NLGN1: variants seen among roughly 807,000 people sequenced by gnomAD.
The protein encoded by NLGN1 is neuroligin 1, also known as neuroligin-1.
NLGN1 carries 12 observed loss-of-function variants against 65.5 expected under a neutral mutation model. The observed-to-expected ratio is 0.18, with a 90% CI of 0.12 to 0.30. NLGN1 has a LOEUF of 0.30. Among genes scored for constraint, NLGN1 ranks in the 10% least tolerant of loss-of-function variants. NLGN1 has a pLI of 1.00. For synonymous variants in NLGN1, 350 were observed against 359.5 expected (o/e 0.97, Z 0.30); for missense variants, 750 against 1,007.1 (o/e 0.74, Z 3.46).
intron 3 of NLGN1, among the ~76,000 whole-genome samples, chr3:173,782,342 C>T (rs949917958): frequency 7.9e-5 from 12 of 151,880 alleles, no homozygotes; most frequent in Admixed American, 2.0e-4. Context: ...ATTAAAGGCG[C>T]GGGTAATGTA....
chr3:173,675,855 T>C (rs1013824335), intron 3 of NLGN1, among the ~76,000 whole-genome samples: 1 of 142,272 alleles, frequency 7.0e-6, no homozygotes, highest in South Asian at 2.4e-4. Context: ...TCTCTCTCTT[T>C]CTCTCTCTCT....
chr3:174,281,048 T>G, exon 7 of NLGN1: 27 of 1,613,318 alleles, frequency 1.7e-5, no homozygotes, highest in Non-Finnish European at 2.3e-5. Context: ...AGCACACTGA[T>G]TTGGATCATG....
intron 3 of NLGN1, among the ~76,000 whole-genome samples, chr3:173,630,374 T>G (rs1755499065): frequency 6.6e-6 from 1 of 152,090 alleles, no homozygotes; most frequent in Non-Finnish European, 1.5e-5. Flanking sequence ...GGAATAAGTC[T>G]GCTACATTTA....
At chr3:174,109,757 G>T (rs1485146134) in intron 4 of NLGN1, among the ~76,000 whole-genome samples, 2 of 151,894 alleles carry the variant, frequency 1.3e-5, no homozygotes, top group Non-Finnish European at 2.9e-5. Flanking sequence ...AGATATTTTA[G>T]GTGTCTAAAT....
chr3:173,773,469 A>G (rs75839317), intron 3 of NLGN1, among the ~76,000 whole-genome samples: 1,710 of 152,326 alleles, frequency 0.011, 35 homozygotes, highest in African/African-American at 0.038. Context: ...GCTTTGAGAC[A>G]CAAAATGTTG....
At chr3:174,090,377 G>A (rs1328247640) in intron 4 of NLGN1, among the ~76,000 whole-genome samples, 2 of 152,126 alleles carry the variant, frequency 1.3e-5, no homozygotes, top group Non-Finnish European at 2.9e-5. Flanking sequence ...GGGTGCTGAG[G>A]CAGGAGAGTC....
chr3:174,254,808 A>T (rs1282131321), intron 4 of NLGN1, among the ~76,000 whole-genome samples: 1 of 152,128 alleles, frequency 6.6e-6, no homozygotes, highest in Non-Finnish European at 1.5e-5. Flanking sequence ...CAGGCCTCAC[A>T]TATTCATTTC....
intron 4 of NLGN1, among the ~76,000 whole-genome samples, chr3:174,001,348 A>T (rs1723253974): frequency 6.6e-6 from 1 of 152,102 alleles, no homozygotes. Context: ...GAAAAAAAAA[A>T]ATCAGAAAAT....
intron 3 of NLGN1, among the ~76,000 whole-genome samples, chr3:173,797,747 T>C (rs1239751670): frequency 6.7e-6 from 1 of 149,936 alleles, no homozygotes; most frequent in African/African-American, 2.5e-5. Flanking sequence ...CCATCAACCA[T>C]GCATCCATGG....
chr3:174,050,798 TGAA>T, intron 4 of NLGN1, among the ~76,000 whole-genome samples: 1 of 151,968 alleles, frequency 6.6e-6, no homozygotes, highest in East Asian at 1.9e-4. Flanking sequence ...ATATGAGTGT[TGAA>T]GAACATTCTA....
chr3:174,039,611 G>A (rs1731861360), intron 4 of NLGN1, among the ~76,000 whole-genome samples: 1 of 152,150 alleles, frequency 6.6e-6, no homozygotes, highest in African/African-American at 2.4e-5. Flanking sequence ...CACCAGGTAA[G>A]GGAGATAAGG....
chr3:173,823,981 G>T (rs1578631473), intron 4 of NLGN1, among the ~76,000 whole-genome samples: 1 of 151,294 alleles, frequency 6.6e-6, no homozygotes, highest in African/African-American at 2.4e-5. Flanking sequence ...TTATTTTTAA[G>T]ATATTCCTTT....
chr3:173,847,948 C>T (rs1368280830), intron 4 of NLGN1, among the ~76,000 whole-genome samples: 2 of 152,160 alleles, frequency 1.3e-5, no homozygotes, highest in Non-Finnish European at 2.9e-5. Context: ...TTCACCTTTT[C>T]CTCACAGTCC....
At chr3:173,827,475 G>A (rs1721572391) in intron 4 of NLGN1, among the ~76,000 whole-genome samples, 1 of 151,880 alleles carries the variant, frequency 6.6e-6, no homozygotes, top group Non-Finnish European at 1.5e-5. Flanking sequence ...GTCAGTACAT[G>A]CAGAAAATAT....
chr3:173,951,712 C>T (rs1009308521), intron 4 of NLGN1, among the ~76,000 whole-genome samples: 2 of 152,080 alleles, frequency 1.3e-5, no homozygotes, highest in Admixed American at 6.5e-5. Context: ...CTGCACACCT[C>T]GACCTCCCAA....
At chr3:173,831,378 G>A (rs1279985745) in intron 4 of NLGN1, among the ~76,000 whole-genome samples, 1 of 152,188 alleles carries the variant, frequency 6.6e-6, no homozygotes, top group Admixed American at 6.5e-5. Flanking sequence ...GTGTTTCAAA[G>A]TGCAAGTTTT....
At chr3:173,403,923 G>A (rs1319845840) in intron 1 of NLGN1, among the ~76,000 whole-genome samples, 3 of 152,062 alleles carry the variant, frequency 2.0e-5, no homozygotes, top group East Asian at 3.9e-4. Context: ...GAAATTAGAC[G>A]ATACTGTGTT....
chr3:173,680,751 C>A (rs1763836495), intron 3 of NLGN1, among the ~76,000 whole-genome samples: 1 of 151,964 alleles, frequency 6.6e-6, no homozygotes, highest in African/African-American at 2.4e-5. Context: ...TCACTAGGGA[C>A]CATGGATGGA....
chr3:174,071,201 A>T (rs565208624), intron 4 of NLGN1, among the ~76,000 whole-genome samples: 1 of 152,332 alleles, frequency 6.6e-6, no homozygotes, highest in African/African-American at 2.4e-5. Context: ...GTTTTTTGAC[A>T]CTTTAGCATT....
Sources: allele counts gnomAD v4.1 joint callset (sites outside exome capture counted in the v4.1 genomes callset), GRCh38; gene constraint gnomAD v4.1.1; transcripts MANE v1.5; gene names NCBI Gene and HGNC (gene_info 2026-07-23, HGNC 2026-07-21).